TBC1D19: variants seen among roughly 807,000 people sequenced by gnomAD.
TBC1D19 encodes the protein TBC1 domain family, member 19.
A neutral mutation model predicts 89.0 loss-of-function variants in TBC1D19; 60 were observed. That is an observed-to-expected ratio of 0.67 (90% CI 0.55 to 0.84). TBC1D19 has a LOEUF of 0.84. TBC1D19 is among the 40% of genes least tolerant of loss of function. The pLI is 0.00. For missense variants in TBC1D19, 500 were observed against 610.8 expected (o/e 0.82, Z 1.91); for synonymous variants, 189 against 199.7 (o/e 0.95, Z 0.45).
chr4:26,698,987 G>T (rs1715067314), intron 13 of TBC1D19, among the ~76,000 whole-genome samples: 1 of 152,132 alleles, frequency 6.6e-6, no homozygotes, highest in Non-Finnish European at 1.5e-5. Context: ...CAAAAGCAAT[G>T]GCAACAAAAG....
At chr4:26,714,424 A>G (rs1716438225) in intron 13 of TBC1D19, among the ~76,000 whole-genome samples, 2 of 152,080 alleles carry the variant, frequency 1.3e-5, no homozygotes, top group Admixed American at 1.3e-4. Context: ...AAGGTCATCA[A>G]GAACTAAACC....
chr4:26,831,591 C>CTTTTT, the TBC1D19 span, among the ~76,000 whole-genome samples: 1 of 99,906 alleles, frequency 1.0e-5, no homozygotes, highest in African/African-American at 5.1e-5. Context: ...TTTTTTTTTT[C>CTTTTT]TTTTTTTTTT....
chr4:26,821,197 G>A, the TBC1D19 span, among the ~76,000 whole-genome samples: 2 of 152,162 alleles, frequency 1.3e-5, no homozygotes, highest in Non-Finnish European at 2.9e-5. Context: ...CCACATCTTA[G>A]CAAAGATATT....
At chr4:26,590,260 ATT>A (rs1362686431) in intron 1 of TBC1D19, among the ~76,000 whole-genome samples, 7 of 152,176 alleles carry the variant, frequency 4.6e-5, no homozygotes, top group African/African-American at 1.7e-4. Context: ...AGAATGTATG[ATT>A]TTTGAATATT....
the TBC1D19 span, among the ~76,000 whole-genome samples, chr4:26,793,672 G>C: frequency 9.0e-4 from 128 of 141,588 alleles, no homozygotes; most frequent in African/African-American, 3.1e-3. Context: ...GCAGTGAGCA[G>C]AGATCGCACC....
intron 4 of TBC1D19, among the ~76,000 whole-genome samples, chr4:26,624,735 T>C (rs1742284595): frequency 6.6e-6 from 1 of 152,154 alleles, no homozygotes; most frequent in Admixed American, 6.6e-5. Flanking sequence ...ACCTACTCAG[T>C]AGAAGATTCT....
intron 14 of TBC1D19, among the ~76,000 whole-genome samples, chr4:26,719,619 A>C (rs9790776): frequency 6.6e-6 from 1 of 151,918 alleles, no homozygotes; most frequent in Non-Finnish European, 1.5e-5. Context: ...TTCTGAAATC[A>C]TGTGAACTGT....
the TBC1D19 span, among the ~76,000 whole-genome samples, chr4:26,842,587 T>TTCCTTC: frequency 3.5e-4 from 12 of 34,132 alleles, no homozygotes; most frequent in Admixed American, 1.4e-3. Context: ...TCCCTCCCTT[T>TTCCTTC]CTTTCTTTCT....
chr4:26,812,337 C>G, the TBC1D19 span, among the ~76,000 whole-genome samples: 1 of 152,008 alleles, frequency 6.6e-6, no homozygotes, highest in Non-Finnish European at 1.5e-5. This position sits in a 1 kb window ranked among gnomAD's most constrained non-coding sequence, Gnocchi z 4.2. Flanking sequence ...CCTGTTAAGT[C>G]GTTCTGAGAA....
chr4:26,680,772 G>C (rs1336078418), intron 11 of TBC1D19, among the ~76,000 whole-genome samples: 1 of 152,016 alleles, frequency 6.6e-6, no homozygotes, highest in South Asian at 2.1e-4. Context: ...AATATTCTTG[G>C]TCTTAACTTT....
the TBC1D19 span, among the ~76,000 whole-genome samples, chr4:26,852,686 C>A: frequency 6.6e-6 from 1 of 151,900 alleles, no homozygotes; most frequent in East Asian, 1.9e-4. Context: ...GTGGTGCGAT[C>A]TTGGCTCACT....
At chr4:26,737,472 T>C (rs1460475264) in intron 16 of TBC1D19, among the ~76,000 whole-genome samples, 1 of 152,178 alleles carries the variant, frequency 6.6e-6, no homozygotes, top group East Asian at 1.9e-4. Context: ...GGAGGATACT[T>C]GATGTCATCA....
At chr4:26,759,649 C>T (rs1259267932), downstream of TBC1D19, among the ~76,000 whole-genome samples, 1 of 152,132 alleles carries the variant, frequency 6.6e-6, no homozygotes, top group African/African-American at 2.4e-5. Context: ...TCACTCCAAC[C>T]ACTCATCTGC....
At chr4:26,815,403 T>C in the TBC1D19 span, among the ~76,000 whole-genome samples, 2 of 152,364 alleles carry the variant, frequency 1.3e-5, 1 homozygote, top group Middle Eastern at 6.8e-3. Flanking sequence ...TTTCCAGAAC[T>C]TCCTCTTACT....
chr4:26,851,498 ACTTTTT>A, the TBC1D19 span, among the ~76,000 whole-genome samples: 4 of 152,120 alleles, frequency 2.6e-5, no homozygotes, highest in African/African-American at 9.7e-5. Flanking sequence ...AGTTCCAGAG[ACTTTTT>A]CTATTACTGT....
chr4:26,802,900 CG>C, the TBC1D19 span, among the ~76,000 whole-genome samples: 3 of 152,170 alleles, frequency 2.0e-5, no homozygotes, highest in Non-Finnish European at 4.4e-5. Flanking sequence ...TAGGTTCTGG[CG>C]AGGCCTCTTT....
At chr4:26,778,740 G>C in the TBC1D19 span, among the ~76,000 whole-genome samples, 1 of 152,132 alleles carries the variant, frequency 6.6e-6, no homozygotes, top group Non-Finnish European at 1.5e-5. Context: ...TAGAACTGAA[G>C]AATCTCAGTT....
At chr4:26,759,151 T>G (rs561483436), downstream of TBC1D19, among the ~76,000 whole-genome samples, 88 of 152,306 alleles carry the variant, frequency 5.8e-4, no homozygotes, top group African/African-American at 1.9e-3. Flanking sequence ...ATACATAAGA[T>G]GTATTATAAT....
chr4:26,720,259 A>C, intron 15 of TBC1D19, 134 bp downstream of exon 15: 2 of 628,994 alleles, frequency 3.2e-6, no homozygotes, highest in Non-Finnish European at 2.5e-6. Context: ...AGAATGTATA[A>C]TTTAATGAAA....
Sources: allele counts gnomAD v4.1 joint callset (sites outside exome capture counted in the v4.1 genomes callset), GRCh38; gene constraint gnomAD v4.1.1; non-coding constraint Gnocchi (gnomAD v3.1); transcripts MANE v1.5; gene names NCBI Gene and HGNC (gene_info 2026-07-23, HGNC 2026-07-21).